Variants in PDE11A observed in about 807,000 individuals in gnomAD.
PDE11A encodes phosphodiesterase 11A, also known as dual 3',5'-cyclic-AMP and -GMP phosphodiesterase 11A.
Under a neutral mutation model 100.5 loss-of-function variants are expected in PDE11A, and 100 were observed. That is an observed-to-expected ratio of 1.00 (90% CI 0.85 to 1.18). The LOEUF is 1.18. PDE11A is among the 50% of genes most tolerant of loss of function. The probability of loss-of-function intolerance (pLI) is 0.00; values close to 1 mark genes in which losing one functional copy is unlikely to be tolerated. For missense variants in PDE11A, 1,141 were observed against 1,152.6 expected (o/e 0.99, Z 0.15); for synonymous variants, 381 against 420.8 (o/e 0.91, Z 1.16).
At chr2:177,749,202 T>TTTGC (rs1181410339) in intron 10 of PDE11A, among the ~76,000 whole-genome samples, 1 of 151,636 alleles carries the variant, frequency 6.6e-6, no homozygotes, top group Non-Finnish European at 1.5e-5. Flanking sequence ...GTTTTGTTTG[T>TTTGC]TTGTTTGTTT....
At chr2:177,850,607 A>C (rs2083684049) in intron 5 of PDE11A, among the ~76,000 whole-genome samples, 1 of 152,232 alleles carries the variant, frequency 6.6e-6, no homozygotes, top group Non-Finnish European at 1.5e-5. Flanking sequence ...CAACCTACAG[A>C]ATGGGAGAAA....
chr2:177,934,717 A>C (rs535730209), intron 2 of PDE11A, among the ~76,000 whole-genome samples: 2 of 152,236 alleles, frequency 1.3e-5, no homozygotes, highest in Non-Finnish European at 1.5e-5. Context: ...TCACAATAGC[A>C]AAGCATGGAT....
intron 5 of PDE11A, among the ~76,000 whole-genome samples, chr2:177,862,938 C>T (rs78124241): frequency 0.019 from 2,849 of 151,914 alleles, 51 homozygotes; most frequent in South Asian, 0.046. Context: ...AATTATATTA[C>T]AAAGCTATAG....
At chr2:177,948,368 G>A (rs898210104) in intron 2 of PDE11A, among the ~76,000 whole-genome samples, 11 of 151,930 alleles carry the variant, frequency 7.2e-5, no homozygotes, top group Non-Finnish European at 1.3e-4. Flanking sequence ...TATACCTGTC[G>A]AATTCTTTTC....
chr2:177,851,248 A>G (rs2083695520), intron 5 of PDE11A, among the ~76,000 whole-genome samples: 1 of 152,126 alleles, frequency 6.6e-6, no homozygotes, highest in African/African-American at 2.4e-5. Context: ...GACATGGATG[A>G]AGCTGGAAAC....
At chr2:177,960,090 AT>A (rs113728591) in intron 2 of PDE11A, among the ~76,000 whole-genome samples, 21 of 149,258 alleles carry the variant, frequency 1.4e-4, no homozygotes, top group East Asian at 1.4e-3. Flanking sequence ...CACTGTCATT[AT>A]TTTTTTTTTA....
At chr2:177,649,536 A>G (rs1167847833) in intron 19 of PDE11A, among the ~76,000 whole-genome samples, 1 of 152,236 alleles carries the variant, frequency 6.6e-6, no homozygotes, top group Non-Finnish European at 1.5e-5. Flanking sequence ...GATATACACT[A>G]TGCTCATATA....
chr2:177,843,143 G>A (rs2083518041), intron 5 of PDE11A, among the ~76,000 whole-genome samples: 1 of 152,134 alleles, frequency 6.6e-6, no homozygotes, highest in Non-Finnish European at 1.5e-5. Context: ...CAACTAATTT[G>A]TTTTGTCCTC....
intron 2 of PDE11A, among the ~76,000 whole-genome samples, chr2:177,928,290 GT>G (rs2105761127): frequency 6.6e-6 from 1 of 152,208 alleles, no homozygotes; most frequent in Non-Finnish European, 1.5e-5. Context: ...GAAGCCAGGA[GT>G]TTGAGAACAG....
chr2:177,964,159 T>C (rs1224207135), intron 2 of PDE11A, among the ~76,000 whole-genome samples: 1 of 152,148 alleles, frequency 6.6e-6, no homozygotes, highest in Non-Finnish European at 1.5e-5. Context: ...TTTGGTTTTT[T>C]TTTTTATTGA....
Position 178,014,404 on chromosome 2 carries a change from TA to T in PDE11A, c.968del (p.Leu323TyrfsTer20). The T allele has an allele frequency of 6.2e-7, 1 of 1,612,278 alleles. No individual in the cohort carries two copies. Among genetic ancestry groups the T allele is most frequent in the Non-Finnish European group, 8.5e-7 (1 of 1,178,358 alleles). On this transcript the variant is annotated frameshift_variant, in exon 2 of 20. Coordinates refer to ENST00000286063, the MANE Select transcript of PDE11A (RefSeq NM_016953.4). LOFTEE classifies it high-confidence loss of function. ...DKLTGYKTKS[L>X]LCMPIRSSDG... is the part of the protein sequence containing the mutation. ...CACTGCTTCGGATAGGCATGCACAA[TA>T]ATGATTTTGTCTTGTATCCAGTTAG...
intron 5 of PDE11A, among the ~76,000 whole-genome samples, chr2:177,844,831 G>A (rs1007861690): frequency 4.0e-4 from 60 of 151,886 alleles, no homozygotes; most frequent in African/African-American, 1.3e-3. Context: ...CACAGCACAT[G>A]TTTCAGAGAG....
rs528708002 is a variant in PDE11A at position 178,095,719 on chromosome 2, C to G, written c.162+8583G>C. ...CTAGAGCAGACTTCTGCCTGGACAT[C>G]CAGGTGTTTCTATACATCCTGTGAA... On this transcript the variant is annotated intron_variant, in intron 2 of 20. Transcript: ENST00000358450. Among the ~76,000 whole-genome samples, 5 of 152,342 alleles carry G rather than the reference C, an allele frequency of 3.3e-5. No individual in the cohort carries two copies. The South Asian group carries it at 1.0e-3, about 32-fold the overall frequency.
chr2:177,846,893 A>G (rs933559495), intron 5 of PDE11A, among the ~76,000 whole-genome samples: 1 of 152,196 alleles, frequency 6.6e-6, no homozygotes, highest in Non-Finnish European at 1.5e-5. Context: ...CATATATTAC[A>G]TTATATTTTG....
intron 9 of PDE11A, among the ~76,000 whole-genome samples, chr2:177,776,511 C>T (rs555363870): frequency 6.6e-6 from 1 of 152,216 alleles, no homozygotes; most frequent in Admixed American, 6.5e-5. Context: ...TTCAGCAATG[C>T]TACTATTATG....
intron 19 of PDE11A, among the ~76,000 whole-genome samples, chr2:177,633,432 G>A (rs1178979507): frequency 6.6e-6 from 1 of 152,176 alleles, no homozygotes; most frequent in Non-Finnish European, 1.5e-5. Context: ...ATATGAATAT[G>A]AGTAAAATGT....
intron 2 of PDE11A, among the ~76,000 whole-genome samples, chr2:178,082,269 C>T (rs769370905): frequency 6.6e-6 from 1 of 152,188 alleles, no homozygotes. Flanking sequence ...GTTTCGGTCA[C>T]ATAGTAAACT....
chr2:177,956,204 C>A (rs1398702886), intron 2 of PDE11A, among the ~76,000 whole-genome samples: 78 of 151,790 alleles, frequency 5.1e-4, no homozygotes, highest in East Asian at 4.3e-3. Flanking sequence ...AACTCAAACA[C>A]ATTTACAAGA....
chr2:177,783,020 A>G (rs2082475520), intron 9 of PDE11A, among the ~76,000 whole-genome samples: 1 of 152,184 alleles, frequency 6.6e-6, no homozygotes, highest in South Asian at 2.1e-4. Flanking sequence ...CCAATGGGGC[A>G]TTTCACTGAC....
Sources: allele counts gnomAD v4.1 joint callset (sites outside exome capture counted in the v4.1 genomes callset), GRCh38; gene constraint gnomAD v4.1.1; transcripts MANE v1.5; gene names NCBI Gene and HGNC (gene_info 2026-07-23, HGNC 2026-07-21).